SOX5: variants seen among roughly 807,000 people sequenced by gnomAD.
SOX5 encodes the protein transcription factor SOX-5.
Under a neutral mutation model 92.0 loss-of-function variants are expected in SOX5, and 9 were observed. That is an observed-to-expected ratio of 0.10 (90% confidence interval 0.06 to 0.17). The LOEUF (loss-of-function observed/expected upper bound fraction) is 0.17. Among genes scored for constraint, SOX5 ranks in the 10% least tolerant of loss-of-function variants. The probability of loss-of-function intolerance (pLI) is 1.00; values close to 1 mark genes in which losing one functional copy is unlikely to be tolerated. For missense variants in SOX5, 642 were observed against 944.5 expected (o/e 0.68, Z 4.20); for synonymous variants, 344 against 336.3 (o/e 1.02, Z -0.25).
At chr12:24,275,342 T>C (rs1006693305) in intron 3 of SOX5, among the ~76,000 whole-genome samples, 11 of 152,194 alleles carry the variant, frequency 7.2e-5, no homozygotes, top group Non-Finnish European at 1.3e-4. Flanking sequence ...TGTAGAGATA[T>C]ATATGTGCAT....
At chr12:24,071,052 C>T (rs904140371) in intron 4 of SOX5, among the ~76,000 whole-genome samples, 1 of 152,138 alleles carries the variant, frequency 6.6e-6, no homozygotes, top group Admixed American at 6.5e-5. Flanking sequence ...GTCCTGAATA[C>T]AATAGAAGAC....
intron 4 of SOX5, among the ~76,000 whole-genome samples, chr12:24,204,946 GGAA>G (rs1351113737): frequency 6.6e-6 from 1 of 152,030 alleles, no homozygotes; most frequent in Non-Finnish European, 1.5e-5. Flanking sequence ...TAAATGTAAA[GGAA>G]GAAGAACAGA....
At chr12:23,968,490 GGTTT>G (rs1455997286) in intron 4 of SOX5, among the ~76,000 whole-genome samples, 4 of 152,104 alleles carry the variant, frequency 2.6e-5, no homozygotes, top group Non-Finnish European at 2.9e-5. Flanking sequence ...CGTGGGAGTG[GGTTT>G]GTTATCACGG....
At chr12:24,042,675 CT>C (rs1452037793) in intron 4 of SOX5, among the ~76,000 whole-genome samples, 5 of 152,082 alleles carry the variant, frequency 3.3e-5, no homozygotes, top group Middle Eastern at 3.2e-3. Context: ...CAAAAAATTA[CT>C]TCCTTTTAAC....
intron 4 of SOX5, among the ~76,000 whole-genome samples, chr12:23,974,600 G>A (rs188082373): frequency 1.2e-4 from 18 of 152,256 alleles, no homozygotes; most frequent in African/African-American, 4.3e-4. Context: ...AAACAGTTAG[G>A]TGCATTCTTC....
intron 6 of SOX5, among the ~76,000 whole-genome samples, chr12:23,698,795 T>C (rs1469960031): frequency 6.6e-6 from 1 of 152,192 alleles, no homozygotes; most frequent in African/African-American, 2.4e-5. Flanking sequence ...TTTCATCCTT[T>C]CAAGTCTTAC....
At chr12:24,206,508 T>C (rs1958032209) in intron 4 of SOX5, among the ~76,000 whole-genome samples, 1 of 152,152 alleles carries the variant, frequency 6.6e-6, no homozygotes, top group Non-Finnish European at 1.5e-5. Flanking sequence ...TTCAGTATGA[T>C]GGGTCAGACT....
At chr12:23,891,531 C>T (rs2097129472) in intron 2 of SOX5, among the ~76,000 whole-genome samples, 1 of 152,128 alleles carries the variant, frequency 6.6e-6, no homozygotes, top group Admixed American at 6.5e-5. Flanking sequence ...AAAATATATA[C>T]CTCCCAGCAT....
chr12:24,353,097 A>G (rs1487925008), intron 2 of SOX5, among the ~76,000 whole-genome samples: 3 of 152,198 alleles, frequency 2.0e-5, no homozygotes, highest in Non-Finnish European at 4.4e-5. Flanking sequence ...AGAATATGAT[A>G]TACTTAAGGT....
At chr12:24,328,257 A>C (rs1427306200) in intron 2 of SOX5, among the ~76,000 whole-genome samples, 1 of 152,194 alleles carries the variant, frequency 6.6e-6, no homozygotes, top group Non-Finnish European at 1.5e-5. Context: ...TCTATATTTG[A>C]AACCTTAACA....
At chr12:24,068,704 G>GTATA (rs1164844032) in intron 4 of SOX5, among the ~76,000 whole-genome samples, 31 of 74,312 alleles carry the variant, frequency 4.2e-4, no homozygotes, top group African/African-American at 1.6e-3. Context: ...GTGTGTGTGT[G>GTATA]TATATATATA....
chr12:24,011,444 T>C (rs1952925356), intron 4 of SOX5, among the ~76,000 whole-genome samples: 1 of 152,238 alleles, frequency 6.6e-6, no homozygotes, highest in Non-Finnish European at 1.5e-5. Flanking sequence ...TTTCCTTATA[T>C]ATTTTCTTTC....
chr12:23,749,492 G>A (rs190348671), intron 4 of SOX5, among the ~76,000 whole-genome samples: 2 of 151,826 alleles, frequency 1.3e-5, no homozygotes, highest in Non-Finnish European at 2.9e-5. Context: ...CCATGTTAAG[G>A]GTGACACCAT....
intron 4 of SOX5, among the ~76,000 whole-genome samples, chr12:24,054,235 TAA>T (rs1167330474): frequency 6.6e-6 from 1 of 152,146 alleles, no homozygotes; most frequent in Non-Finnish European, 1.5e-5. Flanking sequence ...GCGATTAAAG[TAA>T]AAGAGTTATG....
intron 3 of SOX5, among the ~76,000 whole-genome samples, chr12:24,276,118 G>T (rs894215411): frequency 1.3e-5 from 2 of 151,738 alleles, no homozygotes; most frequent in Middle Eastern, 3.2e-3. Context: ...TGGTATTTTT[G>T]CCTGTAAACC....
chr12:23,965,901 G>A (rs1947503835), intron 4 of SOX5, among the ~76,000 whole-genome samples: 1 of 152,102 alleles, frequency 6.6e-6, no homozygotes, highest in African/African-American at 2.4e-5. Context: ...TTGCAGCTGT[G>A]AGCCACCATG....
At chr12:24,073,297 T>C (rs1209498282) in intron 4 of SOX5, among the ~76,000 whole-genome samples, 2 of 152,146 alleles carry the variant, frequency 1.3e-5, no homozygotes, top group African/African-American at 2.4e-5. Context: ...TCAATAAACA[T>C]CTTGTAAAAG....
intron 4 of SOX5, among the ~76,000 whole-genome samples, chr12:24,191,866 A>C (rs1461446730): frequency 1.3e-5 from 2 of 152,236 alleles, no homozygotes; most frequent in African/African-American, 4.8e-5. Context: ...TTTCAGAGGC[A>C]GTGATACTGC....
intron 4 of SOX5, among the ~76,000 whole-genome samples, chr12:23,994,757 T>C (rs1950879888): frequency 6.6e-6 from 1 of 152,188 alleles, no homozygotes; most frequent in African/African-American, 2.4e-5. Context: ...TCCACCATTA[T>C]GGTCACTAGA....
Sources: allele counts gnomAD v4.1 joint callset (sites outside exome capture counted in the v4.1 genomes callset), GRCh38; gene constraint gnomAD v4.1.1; transcripts MANE v1.5; gene names NCBI Gene and HGNC (gene_info 2026-07-23, HGNC 2026-07-21).